The following ZSCAN20 variants were observed in gnomAD, a reference collection of about 807,000 sequenced individuals.
ZSCAN20 encodes the protein zinc finger and SCAN domain-containing protein 20.
Under a neutral mutation model 97.1 loss-of-function variants are expected in ZSCAN20, and 39 were observed. That is an observed-to-expected ratio of 0.40 (90% CI 0.31 to 0.52). The LOEUF (loss-of-function observed/expected upper bound fraction) is 0.52. Among genes scored for constraint, ZSCAN20 ranks in the 20% least tolerant of loss-of-function variants. The pLI is 0.49. For synonymous variants in ZSCAN20, 456 were observed against 467.3 expected (o/e 0.98, Z 0.31); for missense variants, 1,115 against 1,290.4 (o/e 0.86, Z 2.08).
At chr1:33,489,077 C>T in intron 3 of ZSCAN20, 38 bp from the exon 4 acceptor site, 1 of 1,575,296 alleles carries the variant, frequency 6.3e-7, no homozygotes, top group Non-Finnish European at 8.7e-7. Context: ...TTTTTGGGAA[C>T]CAGAGCTTGG....
intron 5 of ZSCAN20, among the ~76,000 whole-genome samples, chr1:33,490,064 T>C (rs1436889946): frequency 6.6e-6 from 1 of 152,208 alleles, no homozygotes; most frequent in Non-Finnish European, 1.5e-5. Context: ...CACTCCTATG[T>C]GGCAAGCCAA....
At chr1:33,478,815 G>A (rs1652030044) in intron 1 of ZSCAN20, among the ~76,000 whole-genome samples, 1 of 152,156 alleles carries the variant, frequency 6.6e-6, no homozygotes, top group Non-Finnish European at 1.5e-5. Flanking sequence ...ACCAGATCAT[G>A]GAGGTGTGGG....
Position 33,493,011 on chromosome 1 carries a change from G to A in ZSCAN20, c.1445-176G>A, listed in dbSNP as rs1652686180. ...TCTTAGAAGAGGGTGAGGGTGGGAA[G>A]CTCTGGCTGGCTGTCCTAGCATGCC... On this transcript the variant is annotated intron_variant, in intron 6 of 7. Transcript: ENST00000684572. The surrounding 1 kb of genome is among the most constrained non-coding windows in gnomAD (Gnocchi z 4.3). Among the ~76,000 whole-genome samples, 1 of 152,196 alleles carries A rather than the reference G, an allele frequency of 6.6e-6. No homozygotes were observed. The highest frequency in any genetic ancestry group is 2.4e-5 in the African/African-American group (1 of 41,446).
chr1:33,494,156 C>G (rs1652739535), intron 7 of ZSCAN20, 62 bp from the exon 8 acceptor site: 5 of 1,449,862 alleles, frequency 3.4e-6, no homozygotes, highest in Non-Finnish European at 3.7e-6. Context: ...CAGACACACA[C>G]AAACACACAC....
At chr1:33,481,460 A>G (rs1015702754) in intron 2 of ZSCAN20, among the ~76,000 whole-genome samples, 1 of 152,150 alleles carries the variant, frequency 6.6e-6, no homozygotes, top group Non-Finnish European at 1.5e-5. Context: ...AATCTTGTCT[A>G]TTATGTATTT....
chr1:33,482,701 G>A (rs1465697627), intron 2 of ZSCAN20, among the ~76,000 whole-genome samples: 1 of 152,188 alleles, frequency 6.6e-6, no homozygotes, highest in Non-Finnish European at 1.5e-5. Context: ...CAATGAATGG[G>A]AGTTCTTGTT....
In ZSCAN20 at chr1:33,484,757, G is replaced by A. The variant is rs951219267; in HGVS notation, c.418-3708G>A. Among the ~76,000 whole-genome samples the A allele has an allele frequency of 3.9e-5, 6 of 152,114 alleles. No individual in the cohort carries two copies. The South Asian group carries it at 1.2e-3, about 32-fold the overall frequency. Reference sequence around the variant, plus strand: ...CTGCCTCAGCCTCCCGAGTAGCTGGGACTACAGGCATCTGCAACCACACCC... The same window carrying A: ...CTGCCTCAGCCTCCCGAGTAGCTGGAACTACAGGCATCTGCAACCACACCC... On this transcript the variant is annotated intron_variant, in intron 2 of 7. Coordinates refer to ENST00000684572, the MANE Select transcript of ZSCAN20 (RefSeq NM_001377376.1).
chr1:33,485,127 C>G (rs902047554), intron 2 of ZSCAN20, among the ~76,000 whole-genome samples: 3 of 152,186 alleles, frequency 2.0e-5, no homozygotes, highest in Admixed American at 2.0e-4. Context: ...GTGGACCCAT[C>G]TGAGCTTGGT....
rs904853949 is a variant in ZSCAN20, at chr1:33,499,590, C to T, written c.*4114C>T. On this transcript the variant is annotated 3_prime_UTR_variant, in exon 8 of 8. Transcript: ENST00000684572. ...GTGACTCCCATCCAAGCCTCCCCTG[C>T]ACGTGCCTGGAGAGACCTGCCCATT... Among the ~76,000 whole-genome samples, 2 of 152,142 alleles carry T rather than the reference C, an allele frequency of 1.3e-5. No individual in the cohort carries two copies. The highest frequency in any genetic ancestry group is 4.8e-5 in the African/African-American group (2 of 41,436).
chr1:33,475,825 ATT>A (rs10542814), intron 1 of ZSCAN20, among the ~76,000 whole-genome samples: 103,042 of 141,682 alleles, frequency 0.73, 37,333 homozygotes, highest in Non-Finnish European at 0.77. Context: ...ACGCTTGGCT[ATT>A]TTTTTTTTTT....
Position 33,500,093 on chromosome 1 carries a change from T to C in ZSCAN20, c.*4617T>C, listed in dbSNP as rs1356376135. ...TTTTCCCCCACAGCTCCTGGCTGTT[T>C]CTTCACACTCCCAGCATCACTATTA... On this transcript the variant is annotated 3_prime_UTR_variant, in exon 8 of 8. Coordinates refer to ENST00000684572, the MANE Select transcript of ZSCAN20 (RefSeq NM_001377376.1). 6.6e-6 allele frequency among the ~76,000 whole-genome samples: 1 copy of C among 152,182 alleles called. No homozygotes were observed. The highest frequency in any genetic ancestry group is 1.5e-5 in the Non-Finnish European group (1 of 68,038).
chr1:33,489,331 C>G (rs1652503164), intron 4 of ZSCAN20, 140 bp downstream of exon 4: 3 of 1,066,516 alleles, frequency 2.8e-6, no homozygotes, highest in Admixed American at 2.2e-5. Flanking sequence ...CCTTCACCCC[C>G]AGCCTGCTGG....
intron 1 of ZSCAN20, among the ~76,000 whole-genome samples, chr1:33,477,329 A>G (rs1392597299): frequency 6.6e-6 from 1 of 152,202 alleles, no homozygotes; most frequent in Non-Finnish European, 1.5e-5. Flanking sequence ...CAGTCCAGTC[A>G]GATTGCCCAA....
At chr1:33,485,668 C>G (rs1298374571) in intron 2 of ZSCAN20, among the ~76,000 whole-genome samples, 2 of 152,130 alleles carry the variant, frequency 1.3e-5, no homozygotes, top group Non-Finnish European at 2.9e-5. Flanking sequence ...CCACCTTGGC[C>G]TTCCAGAGTG....
intron 2 of ZSCAN20, among the ~76,000 whole-genome samples, chr1:33,486,012 TGC>T (rs1433699960): frequency 3.9e-5 from 6 of 152,256 alleles, no homozygotes; most frequent in Non-Finnish European, 5.9e-5. Flanking sequence ...TTTCTTATCT[TGC>T]ATGTGGAAGA....
chr1:33,488,667 A>G lies in ZSCAN20; in HGVS notation c.604+16A>G. On this transcript the variant is annotated intron_variant, in intron 3 of 7. Transcript: ENST00000684572. Reference sequence around the variant, plus strand: ...AAAGAGAGTGGTGAGTACATCTGAGAACATTAGGGAATGAGGCCTTCTGCA... The same window carrying G: ...AAAGAGAGTGGTGAGTACATCTGAGGACATTAGGGAATGAGGCCTTCTGCA... 1 of 1,600,918 alleles carries G rather than the reference A, an allele frequency of 6.2e-7. No individual in the cohort carries two copies. The highest frequency in any genetic ancestry group is 8.5e-7 in the Non-Finnish European group (1 of 1,176,840).
chr1:33,485,192 G>A (rs1652310831), intron 2 of ZSCAN20, among the ~76,000 whole-genome samples: 1 of 152,120 alleles, frequency 6.6e-6, no homozygotes, highest in Non-Finnish European at 1.5e-5. Flanking sequence ...ATAGATATTG[G>A]CCTCTTCAGA....
chr1:33,495,214 A>G lies in ZSCAN20; in HGVS notation c.2870A>G (p.Lys957Arg). The change falls in exon 8 of 8, where the codon AAG becomes AGG. Residue 957 changes from lysine to arginine, a missense_variant. Around this residue, in one of 3 missense-constraint regions of ZSCAN20, gnomAD observed 554 missense variants for 584.9 expected, o/e 0.95. Coordinates refer to ENST00000684572, the MANE Select transcript of ZSCAN20 (RefSeq NM_001377376.1). ...ITHQRVHTGE[K>R]PYKCLECGKF... ...CACCAGAGAGTGCACACAGGAGAGA[A>G]GCCCTACAAATGCCTTGAGTGTGGA... 1 of 1,613,982 alleles carries G rather than the reference A, an allele frequency of 6.2e-7. No homozygotes were observed. Among genetic ancestry groups the G allele is most frequent in the Middle Eastern group, 1.6e-4 (1 of 6,062 alleles).
chr1:33,489,342 G>A, intron 4 of ZSCAN20, 151 bp downstream of exon 4: 2 of 1,022,436 alleles, frequency 2.0e-6, no homozygotes, highest in East Asian at 2.6e-5. Context: ...AGCCTGCTGG[G>A]CCCCAAACAT....
Sources: gnomAD v4.1 joint callset for allele counts (sites outside exome capture counted in the v4.1 genomes callset) on GRCh38, gnomAD v4.1.1 for gene constraint, gnomAD v4.1.1 regional missense constraint, Gnocchi (gnomAD v3.1) non-coding constraint, MANE v1.5 for transcripts, NCBI Gene and HGNC (gene_info 2026-07-23, HGNC 2026-07-21) for gene names.